Variants in RNGTT observed in about 807,000 individuals in gnomAD.
RNGTT encodes mRNA-capping enzyme.
In RNGTT, 33 loss-of-function variants were observed where a neutral mutation model predicts 79.3. The ratio of observed to expected loss-of-function variants is 0.42; its 90% CI spans 0.32 to 0.56. The LOEUF (loss-of-function observed/expected upper bound fraction) is 0.56. Ranked by LOEUF, RNGTT falls within the 20% of genes least tolerant of loss-of-function variation. The pLI, the probability that RNGTT is intolerant of heterozygous loss-of-function variation, is 0.17. For missense variants in RNGTT, 497 were observed against 739.1 expected, an observed-to-expected ratio of 0.67 and a Z score of 3.80; for synonymous variants, 222 against 235.9, an observed-to-expected ratio of 0.94 and a Z score of 0.54.
chr6:88,748,141 C>A (rs994205188), intron 13 of RNGTT, among the ~76,000 whole-genome samples: 19 of 152,088 alleles, frequency 1.2e-4, no homozygotes, highest in African/African-American at 4.6e-4. Flanking sequence ...TGACCCTTTC[C>A]TATCCAAGAG....
chr6:88,963,482 C>T lies in RNGTT; in HGVS notation c.-73G>A. 7.2e-7 allele frequency: 1 copy of T among 1,398,238 alleles called. No homozygotes were observed. Among genetic ancestry groups the T allele is most frequent in the Non-Finnish European group, 9.6e-7 (1 of 1,045,456 alleles). The allele number at this position is 1,398,238 out of a possible 1,614,324, so 86.6% of individuals were successfully genotyped here. A position where few individuals can be genotyped will look rare whatever the true frequency, so the allele number is the denominator to read the frequency against. On this transcript the variant is annotated 5_prime_UTR_variant, in exon 1 of 16. Transcript: ENST00000369485. ...CCTTTGGAGCCGCCTCCCCGTGGTC[C>T]GGTGCACACCGGGGTCCGAGACACC...
At chr6:88,846,895 T>C (rs1220975862) in intron 10 of RNGTT, among the ~76,000 whole-genome samples, 2 of 152,174 alleles carry the variant, frequency 1.3e-5, no homozygotes, top group African/African-American at 2.4e-5. Flanking sequence ...CCCAGGGAAG[T>C]TGGAATACTC....
intron 13 of RNGTT, among the ~76,000 whole-genome samples, chr6:88,710,224 A>G (rs1562209457): frequency 6.6e-6 from 1 of 152,240 alleles, no homozygotes; most frequent in Non-Finnish European, 1.5e-5. Flanking sequence ...AACAAAAAAT[A>G]GTGAATTTCT....
At chr6:88,779,887 G>C (rs1021975303) in intron 12 of RNGTT, among the ~76,000 whole-genome samples, 30 of 152,104 alleles carry the variant, frequency 2.0e-4, no homozygotes, top group African/African-American at 7.0e-4. Flanking sequence ...CAGCCACCTG[G>C]GGGGGCCAAG....
intron 1 of RNGTT, among the ~76,000 whole-genome samples, chr6:88,950,197 A>C (rs1300219885): frequency 1.3e-5 from 2 of 152,214 alleles, no homozygotes; most frequent in Non-Finnish European, 1.5e-5. Context: ...TGCTCAGAAA[A>C]AAAGATTCCT....
chr6:88,614,359 T>A lies in RNGTT; in HGVS notation c.1543A>T (p.Ile515Leu), dbSNP rs757750249. The change falls in exon 15 of 16, where the codon ATA becomes TTA. Residue 515 changes from isoleucine to leucine, a missense_variant. Physicochemically the swap from Ile to Leu is conservative, Grantham distance 5. Coordinates refer to ENST00000369485, the MANE Select transcript of RNGTT (RefSeq NM_003800.5). ...KELKQYDNKI[I>L]ECKFENNSWV... ...CTGTTGTTCTCAAATTTGCATTCTA[T>A]AATTTTGTTGTCATACTGTTTCAGC... is the stretch of plus-strand genomic sequence containing the variant. 3 of 1,613,594 alleles carry A rather than the reference T, an allele frequency of 1.9e-6. No homozygotes were observed. Among genetic ancestry groups the A allele is most frequent in the Non-Finnish European group, 2.5e-6 (3 of 1,179,616 alleles).
At chr6:88,656,715 A>G (rs962303421) in intron 14 of RNGTT, among the ~76,000 whole-genome samples, 6 of 151,808 alleles carry the variant, frequency 4.0e-5, no homozygotes, top group African/African-American at 7.3e-5. Flanking sequence ...CTTGGGTGAA[A>G]GTTGAGGACT....
intron 12 of RNGTT, among the ~76,000 whole-genome samples, chr6:88,788,246 A>C (rs1423633710): frequency 6.6e-6 from 1 of 152,174 alleles, no homozygotes; most frequent in Non-Finnish European, 1.5e-5. Flanking sequence ...TACTAGAAAG[A>C]GTAGGGCATG....
In RNGTT at chr6:88,708,046, C is replaced by T. The variant is rs552712788; in HGVS notation, c.1440-29627G>A. ...GAAGAATTCATCTGCCAGTATGCTT[C>T]TTTCTCATGTGTTTTTCTTCTGTTT... On this transcript the variant is annotated intron_variant, in intron 13 of 15. Coordinates refer to ENST00000369485, the MANE Select transcript of RNGTT (RefSeq NM_003800.5). Among the ~76,000 whole-genome samples, 61 of 151,998 alleles carry T rather than the reference C, an allele frequency of 4.0e-4. No homozygotes were observed. In the South Asian group the frequency reaches 0.012, roughly 29 times the overall value.
intron 1 of RNGTT, among the ~76,000 whole-genome samples, chr6:88,941,510 C>T (rs1333727302): frequency 6.6e-6 from 1 of 152,184 alleles, no homozygotes. Flanking sequence ...TCAAGCAATC[C>T]ACCCACCTCG....
At chr6:88,845,752 C>G (rs183306678) in intron 10 of RNGTT, among the ~76,000 whole-genome samples, 18 of 152,186 alleles carry the variant, frequency 1.2e-4, no homozygotes, top group African/African-American at 4.3e-4. Context: ...AGGAGAGAGA[C>G]AAAGTGAGTG....
chr6:88,908,954 C>A (rs968487929), intron 4 of RNGTT, among the ~76,000 whole-genome samples: 3 of 152,112 alleles, frequency 2.0e-5, no homozygotes, highest in Non-Finnish European at 4.4e-5. Flanking sequence ...GGCCAGAGGA[C>A]AAATGTGCAG....
intron 13 of RNGTT, among the ~76,000 whole-genome samples, chr6:88,712,922 A>G (rs186472523): frequency 2.6e-4 from 39 of 152,312 alleles, no homozygotes; most frequent in Non-Finnish European, 5.4e-4. Flanking sequence ...ACTCTCAAAG[A>G]CAATCCTGCA....
chr6:88,723,762 T>C (rs187864755), intron 13 of RNGTT, among the ~76,000 whole-genome samples: 373 of 152,316 alleles, frequency 2.4e-3, no homozygotes, highest in Non-Finnish European at 4.1e-3. Flanking sequence ...TCTCGCTCTG[T>C]CACCCAGACT....
chr6:88,938,062 T>C (rs1282832442), intron 2 of RNGTT, among the ~76,000 whole-genome samples: 1 of 152,224 alleles, frequency 6.6e-6, no homozygotes, highest in East Asian at 1.9e-4. Context: ...TAGTCTAATG[T>C]GCACTTTAAA....
chr6:88,743,362 G>A (rs1470890748), intron 13 of RNGTT, among the ~76,000 whole-genome samples: 1 of 151,978 alleles, frequency 6.6e-6, no homozygotes, highest in African/African-American at 2.4e-5. Flanking sequence ...CCACTTTTAA[G>A]TGAACAGTTC....
intron 14 of RNGTT, among the ~76,000 whole-genome samples, chr6:88,674,399 G>C (rs1171388129): frequency 6.6e-6 from 1 of 151,976 alleles, no homozygotes; most frequent in Non-Finnish European, 1.5e-5. Flanking sequence ...AATTAGCCAG[G>C]CATGTAGCAT....
intron 8 of RNGTT, among the ~76,000 whole-genome samples, chr6:88,875,567 T>C (rs1782494294): frequency 6.6e-6 from 1 of 152,212 alleles, no homozygotes; most frequent in Admixed American, 6.5e-5. Flanking sequence ...CCAGATCACT[T>C]GCATTCAAAT....
chr6:88,891,930 TAAGAAAAATAAGGGA>T lies in RNGTT; in HGVS notation c.685-30_685-16del. 1 of 1,440,524 alleles carries T rather than the reference TAAGAAAAATAAGGGA, an allele frequency of 6.9e-7. No individual in the cohort carries two copies. Among genetic ancestry groups the T allele is most frequent in the Non-Finnish European group, 9.4e-7 (1 of 1,064,528 alleles). The allele number at this position is 1,440,524 out of a possible 1,614,324, so 89.2% of individuals were successfully genotyped here. On this transcript the variant is annotated splice_polypyrimidine_tract_variant and intron_variant, in intron 6 of 15. Transcript: ENST00000369485. ...AAAATAGCGCCCTTTAAAAAAAAAATAAGAAAAATAAGGGAAAGAAAAATATTTTATTAGAGTTCA... is the reference window on the plus strand; with the variant it reads ...AAAATAGCGCCCTTTAAAAAAAAAATAAGAAAAATATTTTATTAGAGTTCA...
Sources: allele counts gnomAD v4.1 joint callset (sites outside exome capture counted in the v4.1 genomes callset), GRCh38; gene constraint gnomAD v4.1.1; transcripts MANE v1.5; gene names NCBI Gene and HGNC (gene_info 2026-07-23, HGNC 2026-07-21).